The following LRTM2 variants were observed in gnomAD, a reference collection of about 807,000 sequenced individuals.
LRTM2 encodes leucine rich repeat transmembrane protein 2.
LRTM2 carries 18 observed loss-of-function variants against 28.1 expected under a neutral mutation model. The ratio of observed to expected loss-of-function variants is 0.64; its 90% CI spans 0.44 to 0.95. The LOEUF is 0.95. Ranked by LOEUF, LRTM2 falls within the 40% of genes least tolerant of loss-of-function variation. The probability of loss-of-function intolerance (pLI) is 0.00; values close to 1 mark genes in which losing one functional copy is unlikely to be tolerated. For synonymous variants in LRTM2, 250 were observed against 218.7 expected, an observed-to-expected ratio of 1.14 and a Z score of -1.26; for missense variants, 436 against 497.2, an observed-to-expected ratio of 0.88 and a Z score of 1.17.
chr12:1,826,234 T>C (rs1197590928), intron 1 of LRTM2, among the ~76,000 whole-genome samples: 1 of 152,144 alleles, frequency 6.6e-6, no homozygotes, highest in Non-Finnish European at 1.5e-5. Context: ...TGAATTTCCA[T>C]GGTGATGGGC....
chr12:1,826,291 A>C (rs1040818853), intron 1 of LRTM2, among the ~76,000 whole-genome samples: 2 of 152,086 alleles, frequency 1.3e-5, no homozygotes, highest in Non-Finnish European at 2.9e-5. Context: ...ATCCTCATAG[A>C]AACTCCACCA....
rs1189886153 is a variant in LRTM2, at chr12:1,835,656, AC to A, written c.*937del. ...GTGCCCCTGGAGGAGCCCTCCTGTC[AC>A]CATGGTAACCCTCTCACACCTCTCC... On this transcript the variant is annotated 3_prime_UTR_variant, in exon 5 of 5. Coordinates refer to ENST00000299194, the MANE Select transcript of LRTM2 (RefSeq NM_001039029.3). The A allele has an allele frequency of 3.3e-5, 5 of 152,618 alleles. No homozygotes were observed. Among genetic ancestry groups the A allele is most frequent in the Admixed American group, 3.3e-4 (5 of 15,282 alleles). The allele number at this position is 152,618 out of a possible 1,614,324, so 9.5% of individuals were successfully genotyped here. A position where few individuals can be genotyped will look rare whatever the true frequency, so the allele number is the denominator to read the frequency against.
chr12:1,834,382 C>T lies in LRTM2; in HGVS notation c.774C>T (p.Ser258=), dbSNP rs1298429184. The T allele has an allele frequency of 1.2e-6, 2 of 1,613,190 alleles. No homozygotes were observed. The highest frequency in any genetic ancestry group is 2.2e-5 in the South Asian group (2 of 91,070). Residue 258 remains serine (S), a synonymous_variant, in exon 5 of 5, where the codon AGC becomes AGT. Transcript: ENST00000299194. The surrounding 1 kb of genome is among the most constrained non-coding windows in gnomAD (Gnocchi z 7.6). The part of the protein sequence containing the change: ...NYCSQLEDEN[S]SAGLDIPGPP... ...GCTCCCAGCTGGAGGACGAGAATAG[C>T]TCAGCTGGGCTGGATATTCCTGGGC... is the stretch of plus-strand genomic sequence containing the variant.
Position 1,834,255 on chromosome 12 carries a change from T to C in LRTM2, c.659-12T>C. 1 of 1,540,424 alleles carries C rather than the reference T, an allele frequency of 6.5e-7. No individual in the cohort carries two copies. Among genetic ancestry groups the C allele is most frequent in the East Asian group, 2.3e-5 (1 of 44,082 alleles). Reference sequence around the variant, plus strand: ...TGCCTGGTCAGCCCCTCTTTTTCTCTTCTGCATGTAGGGGGACGCTTGGAC... The same window carrying C: ...TGCCTGGTCAGCCCCTCTTTTTCTCCTCTGCATGTAGGGGGACGCTTGGAC... On this transcript the variant is annotated splice_polypyrimidine_tract_variant and intron_variant, in intron 4 of 4. Transcript: ENST00000299194. The surrounding 1 kb of genome is among the most constrained non-coding windows in gnomAD (Gnocchi z 7.6).
At position 1,834,446 on chromosome 12, in the gene LRTM2, AAGCCCGGGGCTGAGCCGGAGCCGG is replaced by A; in HGVS notation, c.844_867del (p.Gly282_Pro289del). 6.2e-7 allele frequency: 1 copy of A among 1,612,340 alleles called. No homozygotes were observed. Among genetic ancestry groups the A allele is most frequent in the Non-Finnish European group, 8.5e-7 (1 of 1,179,898 alleles). On this transcript the variant is annotated inframe_deletion, in exon 5 of 5. Transcript: ENST00000299194. This position sits in a 1 kb window ranked among gnomAD's most constrained non-coding sequence, Gnocchi z 7.6. ...GGCCAGTCCAGAGCCTGCTAAGCCC[AAGCCCGGGGCTGAGCCGGAGCCGG>A]AGCCCAGCACAGCCTGCCCACAGAA...
chr12:1,826,641 G>A (rs1185236941), intron 1 of LRTM2, among the ~76,000 whole-genome samples: 7 of 152,226 alleles, frequency 4.6e-5, no homozygotes, highest in Middle Eastern at 3.2e-3. Flanking sequence ...CCCTCGCTGC[G>A]TGGGGGAAGG....
At chr12:1,832,747 A>G (rs1565697456) in intron 4 of LRTM2, among the ~76,000 whole-genome samples, 1 of 152,210 alleles carries the variant, frequency 6.6e-6, no homozygotes, top group Non-Finnish European at 1.5e-5. Context: ...CAGTTTACCA[A>G]TGTCTTTTCA....
Position 1,830,910 on chromosome 12 carries a change from TC to T in LRTM2, c.68-20del, listed in dbSNP as rs755121377. ...TGGTGACCCGTCCTATTGCTTTCTTTCCCCCGTCTGTCCCTCCCACCAAGGG... is the reference window on the plus strand; with the variant it reads ...TGGTGACCCGTCCTATTGCTTTCTTTCCCCGTCTGTCCCTCCCACCAAGGG... On this transcript the variant is annotated intron_variant, in intron 3 of 4. Coordinates refer to ENST00000299194, the MANE Select transcript of LRTM2 (RefSeq NM_001039029.3). 3.8e-6 allele frequency: 6 copies of T among 1,566,648 alleles called. No individual in the cohort carries two copies. The South Asian group carries it at 7.0e-5, about 18-fold the overall frequency.
At chr12:1,821,887 G>A (rs1864119160) in intron 1 of LRTM2, among the ~76,000 whole-genome samples, 1 of 152,062 alleles carries the variant, frequency 6.6e-6, no homozygotes, top group Non-Finnish European at 1.5e-5. Context: ...GGCTGTCAGG[G>A]CTACTTGGGC....
chr12:1,821,452 G>T (rs1448983574), intron 1 of LRTM2, among the ~76,000 whole-genome samples: 2 of 152,230 alleles, frequency 1.3e-5, no homozygotes, highest in East Asian at 1.9e-4. Flanking sequence ...GGTGAGGCTG[G>T]GAGTGGGCAG....
intron 1 of LRTM2, among the ~76,000 whole-genome samples, chr12:1,824,222 C>T (rs1864225382): frequency 6.6e-6 from 1 of 152,180 alleles, no homozygotes; most frequent in Non-Finnish European, 1.5e-5. Flanking sequence ...AGGTGCCCGG[C>T]CTAGTCGTAT....
At chr12:1,824,247 C>T (rs956354743) in intron 1 of LRTM2, among the ~76,000 whole-genome samples, 1 of 152,202 alleles carries the variant, frequency 6.6e-6, no homozygotes, top group African/African-American at 2.4e-5. Context: ...CTCAAATATG[C>T]ATGAAAATCC....
chr12:1,831,424 C>G lies in LRTM2; in HGVS notation c.557C>G (p.Pro186Arg), dbSNP rs775676089. ...AATCTGGACCGGCTGACATTTGAAC[C>G]CCTAGCAAACCTGCAGCTGCTGCAG... ...LQNLDRLTFE[P>R]LANLQLLQVG... The change falls in exon 4 of 5, where the codon CCC becomes CGC. Residue 186 changes from proline (P) to arginine (R), a missense_variant. Physicochemically the swap from Pro to Arg is moderately radical, Grantham distance 103. Coordinates refer to ENST00000299194, the MANE Select transcript of LRTM2 (RefSeq NM_001039029.3). 1.1e-5 allele frequency: 18 copies of G among 1,614,148 alleles called. No homozygotes were observed. The highest frequency in any genetic ancestry group is 1.0e-4 in the Admixed American group (6 of 60,028).
rs373610752 is a variant in LRTM2 at position 1,828,259 on chromosome 12, G to A, written c.67+44G>A. The A allele has an allele frequency of 6.8e-5, 101 of 1,493,484 alleles. No homozygotes were observed. Among genetic ancestry groups the A allele is most frequent in the Middle Eastern group, 3.5e-4 (2 of 5,736 alleles). 92.5% of individuals were successfully genotyped at this position (1,493,484 alleles called of 1,614,324 possible). On this transcript the variant is annotated intron_variant, in intron 3 of 4. Coordinates refer to ENST00000299194, the MANE Select transcript of LRTM2 (RefSeq NM_001039029.3). The surrounding 1 kb of genome is among the most constrained non-coding windows in gnomAD (Gnocchi z 4.2). ...TCGGAGGGGGGTGCGGGTTGGGTGG[G>A]GGTGCCGAGGTGACTGTAGGTAGCG...
At position 1,828,155 on chromosome 12, in the gene LRTM2, G is replaced by A. The variant is rs200752924; in HGVS notation, c.7G>A (p.Ala3Thr). 3 of 1,542,852 alleles carry A rather than the reference G, an allele frequency of 1.9e-6. No homozygotes were observed. The highest frequency in any genetic ancestry group is 1.7e-6 in the Non-Finnish European group (2 of 1,143,200). The change falls in exon 3 of 5, where the codon GCG (alanine) becomes ACG (threonine). Residue 3 changes from alanine to threonine, a missense_variant. Coordinates refer to ENST00000299194, the MANE Select transcript of LRTM2 (RefSeq NM_001039029.3). The surrounding 1 kb of genome is among the most constrained non-coding windows in gnomAD (Gnocchi z 4.2). ...GAGAGCCGTGGGCCTCACCATGCTGGCGCCGGGCAGCAGCCCTGGGCAGAG... is the reference window on the plus strand; with the variant it reads ...GAGAGCCGTGGGCCTCACCATGCTGACGCCGGGCAGCAGCCCTGGGCAGAG... ML[A>T]PGSSPGQRGR...
Position 1,834,692 on chromosome 12 carries a change from G to C in LRTM2, c.1084G>C (p.Asp362His). The C allele has an allele frequency of 6.2e-7, 1 of 1,601,466 alleles. No homozygotes were observed. Among genetic ancestry groups the C allele is most frequent in the Non-Finnish European group, 8.5e-7 (1 of 1,178,870 alleles). Residue 362 changes from aspartate to histidine, a missense_variant, in exon 5 of 5, where the codon GAC becomes CAC. Asp to His is a moderately conservative substitution (Grantham distance 81). Transcript: ENST00000299194. This position sits in a 1 kb window ranked among gnomAD's most constrained non-coding sequence, Gnocchi z 7.6. ...GGGGGACCCCGAGGGCGAGCACGAG[G>C]ACCAGAAGCAGATCTCTTCTGTGGC... ...LMGDPEGEHE[D>H]QKQISSVA
chr12:1,823,314 C>T (rs1378850517), intron 1 of LRTM2: 2 of 152,346 alleles, frequency 1.3e-5, no homozygotes, highest in African/African-American at 4.8e-5. Context: ...GAGTCTGAGA[C>T]TGATTAATTA....
chr12:1,834,473 C>T lies in LRTM2; in HGVS notation c.865C>T (p.Pro289Ser), dbSNP rs1269676263. 6.2e-7 allele frequency: 1 copy of T among 1,610,406 alleles called. No individual in the cohort carries two copies. The highest frequency in any genetic ancestry group is 1.3e-5 in the African/African-American group (1 of 75,054). ...GCCCGGGGCTGAGCCGGAGCCGGAG[C>T]CCAGCACAGCCTGCCCACAGAAGCA... The part of the protein sequence containing the change: ...PKPGAEPEPE[P>S]STACPQKQRH... The change falls in exon 5 of 5, where the codon CCC becomes TCC. Residue 289 changes from proline (P) to serine (S), a missense_variant. Pro to Ser is a moderately conservative substitution (Grantham distance 74). Coordinates refer to ENST00000299194, the MANE Select transcript of LRTM2 (RefSeq NM_001039029.3). The surrounding 1 kb of genome is among the most constrained non-coding windows in gnomAD (Gnocchi z 7.6).
chr12:1,823,996 G>A (rs1864217139), intron 1 of LRTM2, among the ~76,000 whole-genome samples: 1 of 152,234 alleles, frequency 6.6e-6, no homozygotes, highest in African/African-American at 2.4e-5. Flanking sequence ...CTTTAGGTGA[G>A]TTATTTCATT....
Sources: allele counts gnomAD v4.1 joint callset (sites outside exome capture counted in the v4.1 genomes callset), GRCh38; gene constraint gnomAD v4.1.1; non-coding constraint Gnocchi (gnomAD v3.1); transcripts MANE v1.5; gene names NCBI Gene and HGNC (gene_info 2026-07-23, HGNC 2026-07-21).